CRADD: variants seen among roughly 807,000 people sequenced by gnomAD.
CRADD encodes death domain-containing protein CRADD.
In CRADD, 9 loss-of-function variants were observed where a neutral mutation model predicts 15.5. The ratio of observed to expected loss-of-function variants is 0.58; its 90% CI spans 0.35 to 1.01. The LOEUF (loss-of-function observed/expected upper bound fraction) is 1.01, where lower values mean the gene tolerates loss of function less well. Among genes scored for constraint, CRADD ranks in the 50% least tolerant of loss-of-function variants. The pLI is 0.02. For missense variants in CRADD, 227 were observed against 250.3 expected (o/e 0.91, Z 0.63); for synonymous variants, 118 against 107.6 (o/e 1.10, Z -0.60).
intron 2 of CRADD, among the ~76,000 whole-genome samples, chr12:93,838,214 G>GTTTTTTTTTTTTT (rs66564800): frequency 5.4e-5 from 7 of 130,604 alleles, no homozygotes; most frequent in Non-Finnish European, 6.3e-5. Flanking sequence ...TCCTTTTGAG[G>GTTTTTTTTTTTTT]TTTTTTTTTT....
intron 2 of CRADD, among the ~76,000 whole-genome samples, chr12:93,730,842 A>C (rs539657128): frequency 1.4e-4 from 22 of 151,846 alleles, no homozygotes; most frequent in African/African-American, 4.6e-4. Flanking sequence ...CAGCCTCCCA[A>C]GTAGCTGGAA....
chr12:93,704,763 C>A (rs1955908624), intron 2 of CRADD, among the ~76,000 whole-genome samples: 1 of 152,182 alleles, frequency 6.6e-6, no homozygotes, highest in South Asian at 2.1e-4. Context: ...CTGCTGGCTT[C>A]TTCAGTCACA....
At chr12:93,716,973 A>G (rs2136877723) in intron 2 of CRADD, among the ~76,000 whole-genome samples, 1 of 152,344 alleles carries the variant, frequency 6.6e-6, no homozygotes, top group African/African-American at 2.4e-5. Flanking sequence ...CAAAGTGGCT[A>G]TACCATTTTG....
intron 2 of CRADD, among the ~76,000 whole-genome samples, chr12:93,780,113 CAAGT>C (rs1413629899): frequency 1.3e-5 from 2 of 152,130 alleles, no homozygotes; most frequent in African/African-American, 2.4e-5. Flanking sequence ...ACAAGAAAAA[CAAGT>C]AAAGGCTAAG....
At chr12:93,854,403 A>C (rs1958254077), downstream of CRADD, among the ~76,000 whole-genome samples, 3 of 152,230 alleles carry the variant, frequency 2.0e-5, no homozygotes, top group South Asian at 2.1e-4. Flanking sequence ...GCAAGAAGGC[A>C]AGCCGCCATG....
rs952095454 is a variant in CRADD at position 93,757,539 on chromosome 12, G to A, written c.298+78467G>A. On this transcript the variant is annotated intron_variant, in intron 2 of 2. Coordinates refer to ENST00000332896, the MANE Select transcript of CRADD (RefSeq NM_003805.5). ...CTTCTCAGCAGTGCTCTGGAAAATT[G>A]GGCTCATCAGACATGTGGCTTCTGG... Among the ~76,000 whole-genome samples the A allele has an allele frequency of 3.3e-5, 5 of 152,298 alleles. No individual in the cohort carries two copies. In the South Asian group the frequency reaches 1.0e-3, roughly 32 times the overall value.
chr12:93,708,525 A>C (rs574328790), intron 2 of CRADD: 3 of 152,106 alleles, frequency 2.0e-5, no homozygotes, highest in Non-Finnish European at 4.4e-5. Context: ...CTCTGCCTGG[A>C]ATGCTCTTTT....
intron 2 of CRADD, among the ~76,000 whole-genome samples, chr12:93,876,606 ACT>A (rs1958459127): frequency 6.6e-6 from 1 of 151,226 alleles, no homozygotes; most frequent in African/African-American, 2.4e-5. Flanking sequence ...CTATTAAAGG[ACT>A]CTGATGCATT....
chr12:93,891,602 G>A (rs542190866), intron 2 of CRADD, among the ~76,000 whole-genome samples: 1 of 152,372 alleles, frequency 6.6e-6, no homozygotes, highest in Admixed American at 6.5e-5. Flanking sequence ...ATGTGTGTGT[G>A]TGATGGAAGG....
intron 2 of CRADD, among the ~76,000 whole-genome samples, chr12:93,820,412 G>A (rs188097764): frequency 6.4e-4 from 97 of 152,200 alleles, no homozygotes; most frequent in African/African-American, 2.1e-3. Context: ...AGCTGGGCAC[G>A]GTGGTTGGCA....
chr12:93,762,844 G>T (rs548254986), intron 2 of CRADD, among the ~76,000 whole-genome samples: 5 of 152,088 alleles, frequency 3.3e-5, no homozygotes, highest in African/African-American at 9.6e-5. Context: ...GTAAAGAACA[G>T]GTAAGCTAAA....
chr12:93,757,999 A>G (rs1386483168), intron 2 of CRADD, among the ~76,000 whole-genome samples: 1 of 152,244 alleles, frequency 6.6e-6, no homozygotes. Context: ...AAGAGGGCAC[A>G]GGACCCTGTG....
chr12:93,873,670 A>T (rs1351705133), intron 2 of CRADD, among the ~76,000 whole-genome samples: 2 of 152,102 alleles, frequency 1.3e-5, no homozygotes, highest in African/African-American at 4.8e-5. Context: ...TGAAATGATC[A>T]TATAGTTTTT....
At chr12:93,793,315 TAAGC>T (rs1957372942) in intron 2 of CRADD, among the ~76,000 whole-genome samples, 2 of 152,304 alleles carry the variant, frequency 1.3e-5, no homozygotes, top group South Asian at 4.1e-4. Flanking sequence ...CTATATTACT[TAAGC>T]TATATTATGC....
chr12:93,791,630 T>C (rs185787342), intron 2 of CRADD, among the ~76,000 whole-genome samples: 1 of 152,208 alleles, frequency 6.6e-6, no homozygotes, highest in Admixed American at 6.6e-5. Flanking sequence ...TAGTAGTTAA[T>C]AATAATGTTT....
At chr12:93,889,747 T>C (rs1288283086) in intron 2 of CRADD, among the ~76,000 whole-genome samples, 2 of 152,022 alleles carry the variant, frequency 1.3e-5, no homozygotes, top group African/African-American at 2.4e-5. Flanking sequence ...TGCAATAACA[T>C]AGGGATGTGG....
At chr12:93,773,236 G>A (rs1051490139) in intron 2 of CRADD, among the ~76,000 whole-genome samples, 17 of 152,210 alleles carry the variant, frequency 1.1e-4, no homozygotes, top group African/African-American at 4.1e-4. Context: ...TTATGATGTG[G>A]TTTGACTGTG....
intron 2 of CRADD, among the ~76,000 whole-genome samples, chr12:93,740,139 T>C (rs896609813): frequency 6.6e-6 from 1 of 152,156 alleles, no homozygotes; most frequent in East Asian, 1.9e-4. Flanking sequence ...CAACAGCATG[T>C]ATGGCATTTG....
At chr12:93,699,577 C>A (rs1308300655) in intron 2 of CRADD, among the ~76,000 whole-genome samples, 2 of 152,142 alleles carry the variant, frequency 1.3e-5, no homozygotes, top group Non-Finnish European at 2.9e-5. Context: ...TTTTTTACAT[C>A]CCCCCACCTT....
Sources: allele counts gnomAD v4.1 joint callset (sites outside exome capture counted in the v4.1 genomes callset), GRCh38; gene constraint gnomAD v4.1.1; transcripts MANE v1.5; gene names NCBI Gene and HGNC (gene_info 2026-07-23, HGNC 2026-07-21).